CYRIA: variants seen among roughly 807,000 people sequenced by gnomAD.
The protein encoded by CYRIA is CYFIP-related Rac1 interactor A.
Under a neutral mutation model 43.9 loss-of-function variants are expected in CYRIA, and 15 were observed. The ratio of observed to expected loss-of-function variants is 0.34; its 90% CI spans 0.23 to 0.53. The LOEUF is 0.53. Among genes scored for constraint, CYRIA ranks in the 20% least tolerant of loss-of-function variants. The probability of loss-of-function intolerance (pLI) is 0.94; values close to 1 mark genes in which losing one functional copy is unlikely to be tolerated. For missense variants in CYRIA, 236 were observed against 394.2 expected, an observed-to-expected ratio of 0.60 and a Z score of 3.40; for synonymous variants, 117 against 136.0, an observed-to-expected ratio of 0.86 and a Z score of 0.97.
intron 4 of CYRIA, among the ~76,000 whole-genome samples, chr2:16,565,132 G>A (rs949154153): frequency 6.6e-6 from 1 of 151,370 alleles, no homozygotes; most frequent in African/African-American, 2.4e-5. Flanking sequence ...ATAGCACTGT[G>A]TGCTCAGATT....
At chr2:16,609,529 T>C (rs913660157) in intron 2 of CYRIA, among the ~76,000 whole-genome samples, 1 of 152,196 alleles carries the variant, frequency 6.6e-6, no homozygotes, top group South Asian at 2.1e-4. Flanking sequence ...TTTTCCACAA[T>C]CTGCATAGAT....
At chr2:16,621,202 G>A (rs936482400) in intron 2 of CYRIA, among the ~76,000 whole-genome samples, 6 of 152,194 alleles carry the variant, frequency 3.9e-5, no homozygotes, top group East Asian at 1.9e-4. Context: ...CCCTGAAGGC[G>A]AGAAAGACCA....
At chr2:16,639,347 TAATA>T (rs1669604882) in intron 1 of CYRIA, among the ~76,000 whole-genome samples, 1 of 152,362 alleles carries the variant, frequency 6.6e-6, no homozygotes, top group East Asian at 1.9e-4. Flanking sequence ...TCTTAGAGAA[TAATA>T]AATAGATAGG....
chr2:16,662,289 G>C (rs1411001173), intron 1 of CYRIA, among the ~76,000 whole-genome samples: 1 of 152,194 alleles, frequency 6.6e-6, no homozygotes, highest in African/African-American at 2.4e-5. Flanking sequence ...CAGTAACTGA[G>C]AACGCTTTTC....
At position 16,550,475 on chromosome 2, in the gene CYRIA, A is replaced by G. The variant is rs367740887; in HGVS notation, c.*2461T>C. 1.3e-5 allele frequency: 2 copies of G among 152,258 alleles called. No homozygotes were observed. The highest frequency in any genetic ancestry group is 3.9e-4 in the East Asian group (2 of 5,168). The allele number at this position is 152,258 out of a possible 1,614,324, so 9.4% of individuals were successfully genotyped here. ...CAGTTAACCTGTCCTTCCAGTAATCAGAGACAACAATTCAGACCCTGGACT... is the reference window on the plus strand; with the variant it reads ...CAGTTAACCTGTCCTTCCAGTAATCGGAGACAACAATTCAGACCCTGGACT... On this transcript the variant is annotated 3_prime_UTR_variant, in exon 12 of 12. Transcript: ENST00000381323.
At chr2:16,659,652 C>T (rs1032312133) in intron 1 of CYRIA, among the ~76,000 whole-genome samples, 2 of 152,150 alleles carry the variant, frequency 1.3e-5, no homozygotes, top group Middle Eastern at 3.2e-3. Context: ...GCCTCATCAC[C>T]GTGGCTGGAA....
chr2:16,562,271 G>A, intron 5 of CYRIA, 130 bp from the exon 6 acceptor site: 1 of 1,001,368 alleles, frequency 1.0e-6, no homozygotes, highest in East Asian at 2.7e-5. Flanking sequence ...ACTACGTGAG[G>A]TGTGCTGCAT....
chr2:16,579,233 C>T (rs1667461118), intron 3 of CYRIA, among the ~76,000 whole-genome samples: 1 of 152,014 alleles, frequency 6.6e-6, no homozygotes, highest in Admixed American at 6.6e-5. Context: ...TATATTTAGA[C>T]AGATAAAAGC....
chr2:16,624,733 C>T (rs1669104137), intron 1 of CYRIA, among the ~76,000 whole-genome samples: 1 of 152,154 alleles, frequency 6.6e-6, no homozygotes, highest in Admixed American at 6.5e-5. Context: ...AATGGCCACT[C>T]CTTTGTGCAG....
intron 2 of CYRIA, among the ~76,000 whole-genome samples, chr2:16,609,492 A>G (rs897895101): frequency 2.6e-5 from 4 of 152,208 alleles, no homozygotes; most frequent in African/African-American, 9.6e-5. Context: ...GGACCCTTGC[A>G]CTTGCTAGTC....
chr2:16,609,476 AC>A (rs1668520383), intron 2 of CYRIA, among the ~76,000 whole-genome samples: 2 of 152,192 alleles, frequency 1.3e-5, no homozygotes, highest in Non-Finnish European at 2.9e-5. Context: ...ACATGTTTCT[AC>A]CACGGGACCC....
At chr2:16,562,254 C>G in intron 5 of CYRIA, 113 bp from the exon 6 acceptor site, 1 of 1,169,040 alleles carries the variant, frequency 8.6e-7, no homozygotes, top group Non-Finnish European at 1.2e-6. Flanking sequence ...TTGAGTCTCT[C>G]CCGATAACTA....
intron 2 of CYRIA, among the ~76,000 whole-genome samples, chr2:16,589,265 A>C (rs969886855): frequency 6.6e-6 from 1 of 152,102 alleles, no homozygotes; most frequent in Non-Finnish European, 1.5e-5. Flanking sequence ...ATAGTTTCCA[A>C]CAATATTTAT....
At chr2:16,635,417 AC>A (rs1357900985) in intron 1 of CYRIA, among the ~76,000 whole-genome samples, 2 of 152,372 alleles carry the variant, frequency 1.3e-5, no homozygotes, top group East Asian at 3.9e-4. Flanking sequence ...CACGGATGCT[AC>A]AGGTTTACAA....
Position 16,565,749 on chromosome 2 carries a change from C to T in CYRIA, c.89G>A (p.Gly30Glu), listed in dbSNP as rs1185063245. The change falls in exon 4 of 12, where the codon GGA (glycine) becomes GAA (glutamate). Residue 30 changes from glycine (G) to glutamate (E), a missense_variant. By Grantham distance (98) the Gly-to-Glu change is moderately conservative. Transcript: ENST00000381323. ...GATCTGGTTCCAGATTTCTCTCTCT[C>T]CTTCTGTAGGCTGAGCATCTAAGAA... Reference protein sequence around the residue: ...LDFENAQPTEGEREIWNQISA... With the variant: ...LDFENAQPTEEEREIWNQISA... 6.3e-7 allele frequency: 1 copy of T among 1,582,576 alleles called. No individual in the cohort carries two copies. The highest frequency in any genetic ancestry group is 1.7e-5 in the Admixed American group (1 of 59,460).
In CYRIA at chr2:16,615,989, C is replaced by T. The variant is rs113464697; in HGVS notation, c.-11+7875G>A. Among the ~76,000 whole-genome samples, 15 of 152,306 alleles carry T rather than the reference C, an allele frequency of 9.8e-5. 1 individual carries two copies. The highest frequency in any genetic ancestry group is 3.6e-4 in the African/African-American group (15 of 41,576). On this transcript the variant is annotated intron_variant, in intron 2 of 11. Coordinates refer to ENST00000381323, the MANE Select transcript of CYRIA (RefSeq NM_030797.4). The stretch of plus-strand genomic sequence containing the variant: ...CTTCTCTTCTGTTTCGCTCGATTAT[C>T]GCTGTGTGAGATCCTGCCCCAGAAG...
At chr2:16,581,210 A>G (rs1445620447) in intron 3 of CYRIA, among the ~76,000 whole-genome samples, 1 of 152,236 alleles carries the variant, frequency 6.6e-6, no homozygotes, top group Admixed American at 6.5e-5. Context: ...TACAAAACAC[A>G]TGTATACAAA....
At chr2:16,659,444 A>G (rs911826668) in intron 1 of CYRIA, among the ~76,000 whole-genome samples, 2 of 152,224 alleles carry the variant, frequency 1.3e-5, no homozygotes, top group Admixed American at 6.5e-5. Flanking sequence ...TGGGTACAAA[A>G]TGTTTATCAT....
chr2:16,567,437 CA>C lies in CYRIA; in HGVS notation c.71-1671del, dbSNP rs1275824424. Among the ~76,000 whole-genome samples the C allele has an allele frequency of 3.9e-5, 6 of 152,046 alleles. No individual in the cohort carries two copies. In the South Asian group the frequency reaches 1.3e-3, roughly 32 times the overall value. On this transcript the variant is annotated intron_variant, in intron 3 of 11. Transcript: ENST00000381323. The stretch of plus-strand genomic sequence containing the variant: ...CAACAACAACAACAATGAAACAAAA[CA>C]AAAAAACAAAAGACAGAATTCACAA...
Sources: gnomAD v4.1 joint callset for allele counts (sites outside exome capture counted in the v4.1 genomes callset) on GRCh38, gnomAD v4.1.1 for gene constraint, MANE v1.5 for transcripts, NCBI Gene and HGNC (gene_info 2026-07-23, HGNC 2026-07-21) for gene names.